KRT85: variants seen among roughly 807,000 people sequenced by gnomAD.
KRT85 encodes keratin 85.
Under a neutral mutation model 53.7 loss-of-function variants are expected in KRT85, and 39 were observed. The ratio of observed to expected loss-of-function variants is 0.73; its 90% confidence interval spans 0.56 to 0.95. KRT85 has a LOEUF of 0.95. Ranked by LOEUF, KRT85 falls within the 40% of genes least tolerant of loss-of-function variation. The probability of loss-of-function intolerance (pLI) is 0.00; values close to 1 mark genes in which losing one functional copy is unlikely to be tolerated. For synonymous variants in KRT85, 291 were observed against 277.5 expected (o/e 1.05, Z -0.48); for missense variants, 668 against 686.0 (o/e 0.97, Z 0.29).
chr12:52,363,370 A>G lies in KRT85; in HGVS notation c.827T>C (p.Val276Ala). 6.2e-7 allele frequency: 1 copy of G among 1,614,030 alleles called. No individual in the cohort carries two copies. Among genetic ancestry groups the G allele is most frequent in the South Asian group, 1.1e-5 (1 of 91,066 alleles). ...TCGGCTGTTGTCCATCTTGACTATG[A>G]CCGAGGTGTCTGAGATGTGGGCTTG... The part of the protein sequence containing the change: ...VLQAHISDTS[V>A]IVKMDNSRDL... Residue 276 changes from valine (V) to alanine (A), a missense_variant, in exon 5 of 9, where the codon GTC (valine) becomes GCC (alanine). By Grantham distance (64) the Val-to-Ala change is moderately conservative. Transcript: ENST00000257901.
rs1389577902 is a variant in KRT85 at position 52,364,108 on chromosome 12, A to T, written c.746T>A (p.Leu249Gln). ...CCTCAGGAAGCTAGACTCCTCCACCAGGGCCTCCACATTGGCCTCCAGGTC... is the reference window on the plus strand; with the variant it reads ...CCTCAGGAAGCTAGACTCCTCCACCTGGGCCTCCACATTGGCCTCCAGGTC... ...KSDLEANVEA[L>Q]VEESSFLRRL... Residue 249 changes from leucine (L) to glutamine (Q), a missense_variant, in exon 4 of 9, where the codon CTG (leucine) becomes CAG (glutamine). Leu to Gln is a moderately radical substitution (Grantham distance 113). This residue lies in a region of KRT85 where 488 missense variants were observed against 498.1 expected (regional missense o/e 0.98). Coordinates refer to ENST00000257901, the MANE Select transcript of KRT85 (RefSeq NM_002283.4). The T allele has an allele frequency of 6.2e-7, 1 of 1,613,998 alleles. No individual in the cohort carries two copies. Among genetic ancestry groups the T allele is most frequent in the African/African-American group, 1.3e-5 (1 of 74,910 alleles).
At position 52,364,295 on chromosome 12, in the gene KRT85, C is replaced by T. The variant is rs1384442841; in HGVS notation, c.690+11G>A. On this transcript the variant is annotated intron_variant, in intron 3 of 8. Transcript: ENST00000257901. ...GGCCCCCTCCTCCTTGCCCCATGACCAGCCCCTCACCTTCTTTAGAACGAC... is the reference window on the plus strand; with the variant it reads ...GGCCCCCTCCTCCTTGCCCCATGACTAGCCCCTCACCTTCTTTAGAACGAC... The T allele has an allele frequency of 1.2e-6, 2 of 1,614,068 alleles. No homozygotes were observed. Among genetic ancestry groups the T allele is most frequent in the African/African-American group, 2.7e-5 (2 of 74,928 alleles).
Position 52,362,484 on chromosome 12 carries a change from G to C in KRT85, c.1078-13C>G, listed in dbSNP as rs780982995. 6.2e-7 allele frequency: 1 copy of C among 1,613,830 alleles called. No homozygotes were observed. Among genetic ancestry groups the C allele is most frequent in the Non-Finnish European group, 8.5e-7 (1 of 1,179,878 alleles). On this transcript the variant is annotated splice_polypyrimidine_tract_variant and intron_variant, in intron 6 of 8. Coordinates refer to ENST00000257901, the MANE Select transcript of KRT85 (RefSeq NM_002283.4). The stretch of plus-strand genomic sequence containing the variant: ...CCAGCTTGGCACGCTATCAGGTGGA[G>C]ATACAAGGGCCAGGATGAGAAAGAG...
Position 52,367,335 on chromosome 12 carries a change from A to G in KRT85, c.71T>C (p.Val24Ala), listed in dbSNP as rs1341888342. 1 of 1,614,114 alleles carries G rather than the reference A, an allele frequency of 6.2e-7. No individual in the cohort carries two copies. The highest frequency in any genetic ancestry group is 8.5e-7 in the Non-Finnish European group (1 of 1,180,018). The change falls in exon 1 of 9, where the codon GTG becomes GCG. Residue 24 changes from valine to alanine, a missense_variant. Val to Ala is a moderately conservative substitution (Grantham distance 64). Around this residue, in one of 3 missense-constraint regions of KRT85, gnomAD observed 158 missense variants for 141.8 expected, o/e 1.11. Transcript: ENST00000257901. ...VTRNFSSCSA[V>A]APKTGNRCCI... is the part of the protein sequence containing the mutation. ...GCAGCGGTTGCCAGTTTTGGGGGCCACAGCTGAGCAGGAGCTGAAGTTCCT... is the reference window on the plus strand; with the variant it reads ...GCAGCGGTTGCCAGTTTTGGGGGCCGCAGCTGAGCAGGAGCTGAAGTTCCT...
rs547792985 is a variant in KRT85 at position 52,367,118 on chromosome 12, A to G, written c.288T>C (p.Thr96=). The G allele has an allele frequency of 1.4e-4, 220 of 1,613,310 alleles. No individual in the cohort carries two copies. Among genetic ancestry groups the G allele is most frequent in the South Asian group, 5.3e-4 (48 of 91,034 alleles). ...GGAGGCTCTCGTTGACCGACACGGT[A>G]GTGATGCATGGGGGGCTGGGTCCGC... ...GVCGPSPPCI[T]TVSVNESLLT... is the part of the protein sequence containing the mutation. The change falls in exon 1 of 9, where the codon ACT becomes ACC. Residue 96 remains threonine, a synonymous_variant. Coordinates refer to ENST00000257901, the MANE Select transcript of KRT85 (RefSeq NM_002283.4).
Position 52,362,975 on chromosome 12 carries a change from T to G in KRT85, c.956A>C (p.Glu319Ala), listed in dbSNP as rs1200511473. Residue 319 changes from glutamate (E) to alanine (A), a missense_variant, in exon 6 of 9, where the codon GAG becomes GCG. Coordinates refer to ENST00000257901, the MANE Select transcript of KRT85 (RefSeq NM_002283.4). Reference protein sequence around the residue: ...EAESWYRSKCEEMKATVIRHG... With the variant: ...EAESWYRSKCAEMKATVIRHG... ...CCTGATCACCGTGGCCTTCATCTCCTCACACTGGAGGAAGTAGAGATGCTC... is the reference window on the plus strand; with the variant it reads ...CCTGATCACCGTGGCCTTCATCTCCGCACACTGGAGGAAGTAGAGATGCTC... 3 of 1,614,000 alleles carry G rather than the reference T, an allele frequency of 1.9e-6. No individual in the cohort carries two copies. The highest frequency in any genetic ancestry group is 2.5e-6 in the Non-Finnish European group (3 of 1,180,026).
chr12:52,363,731 A>G lies in KRT85; in HGVS notation c.787-321T>C, dbSNP rs1430882578. On this transcript the variant is annotated intron_variant, in intron 4 of 8. Transcript: ENST00000257901. Reference sequence around the variant, plus strand: ...TGAGTGATTAGTCAGTCCATTAATGAGGACCATGCCCTATGTGCGAAGCCA... The same window carrying G: ...TGAGTGATTAGTCAGTCCATTAATGGGGACCATGCCCTATGTGCGAAGCCA... Among the ~76,000 whole-genome samples the G allele has an allele frequency of 2.0e-5, 3 of 152,182 alleles. No homozygotes were observed. The East Asian group carries it at 5.8e-4, about 29-fold the overall frequency.
chr12:52,360,833 G>T lies in KRT85; in HGVS notation c.*20C>A. On this transcript the variant is annotated 3_prime_UTR_variant, in exon 9 of 9. Coordinates refer to ENST00000257901, the MANE Select transcript of KRT85 (RefSeq NM_002283.4). ...CAGGCAGGCAGGTGCTTGGCAGGAAGCCCTGGCTCCATGACTCTACTAGGC... is the reference window on the plus strand; with the variant it reads ...CAGGCAGGCAGGTGCTTGGCAGGAATCCCTGGCTCCATGACTCTACTAGGC... The T allele has an allele frequency of 6.2e-7, 1 of 1,611,248 alleles. No homozygotes were observed.
At chr12:52,364,459 GA>G (rs1565768981) in intron 2 of KRT85, 93 bp from the exon 3 acceptor site, 1 of 1,608,012 alleles carries the variant, frequency 6.2e-7, no homozygotes, top group African/African-American at 1.3e-5. Flanking sequence ...ATTGAAAAGG[GA>G]TTAATCCCCT....
chr12:52,363,801 A>C (rs149778242), intron 4 of KRT85, among the ~76,000 whole-genome samples: 3,072 of 152,252 alleles, frequency 0.02, 46 homozygotes, highest in Middle Eastern at 0.031. Context: ...CCATCTGTAG[A>C]CTGGCACTCA....
Position 52,364,348 on chromosome 12 carries a change from G to A in KRT85, c.648C>T (p.Ala216=), listed in dbSNP as rs777769763. The part of the protein sequence containing the change: ...GYKKKYEEEV[A]LRATAENEFV... ...ACTCATTCTCTGCTGTGGCTCTCAG[G>A]GCCACCTCCTCTTCATACCTGGGTG... is the stretch of plus-strand genomic sequence containing the variant. Residue 216 remains alanine, a synonymous_variant, in exon 3 of 9, where the codon GCC becomes GCT. Coordinates refer to ENST00000257901, the MANE Select transcript of KRT85 (RefSeq NM_002283.4). 3.1e-6 allele frequency: 5 copies of A among 1,614,070 alleles called. No homozygotes were observed. Among genetic ancestry groups the A allele is most frequent in the Non-Finnish European group, 4.2e-6 (5 of 1,180,004 alleles).
rs527696772 is a variant in KRT85 at position 52,361,436 on chromosome 12, T to C, written c.1330+31A>G. 2.6e-5 allele frequency: 42 copies of C among 1,611,502 alleles called. 3 individuals carry two copies. The South Asian group carries it at 4.1e-4, about 16-fold the overall frequency. ...TCAGCTTTTCTATCAAAAAAGCCAT[T>C]TTTCCAGGAGAATTTCAGGCAGATA... On this transcript the variant is annotated intron_variant, in intron 8 of 8. Coordinates refer to ENST00000257901, the MANE Select transcript of KRT85 (RefSeq NM_002283.4).
chr12:52,365,780 C>T (rs1045606579), intron 1 of KRT85, among the ~76,000 whole-genome samples: 3 of 152,110 alleles, frequency 2.0e-5, no homozygotes, highest in Non-Finnish European at 4.4e-5. Flanking sequence ...AATTGAGACC[C>T]CCAAGGTGTG....
In KRT85 at chr12:52,367,000, C is replaced by A; in HGVS notation, c.406G>T (p.Ala136Ser). The A allele has an allele frequency of 6.2e-7, 1 of 1,613,996 alleles. No individual in the cohort carries two copies. The highest frequency in any genetic ancestry group is 8.5e-7 in the Non-Finnish European group (1 of 1,179,882). ...QIKSLNSRFA[A>S]FIDKVRFLEQ... ...GCCTCACCCACCTTGTCGATGAAGG[C>A]CGCGAACCTGCTGTTGAGGGACTTG... is the stretch of plus-strand genomic sequence containing the variant. Residue 136 changes from alanine to serine, a missense_variant, in exon 1 of 9, where the codon GCC (alanine) becomes TCC (serine). By Grantham distance (99) the Ala-to-Ser change is moderately conservative (BLOSUM62 1). Transcript: ENST00000257901.
At position 52,362,960 on chromosome 12, in the gene KRT85, G is replaced by T; in HGVS notation, c.971C>A (p.Thr324Lys). 6.2e-7 allele frequency: 1 copy of T among 1,614,092 alleles called. No homozygotes were observed. The highest frequency in any genetic ancestry group is 8.5e-7 in the Non-Finnish European group (1 of 1,180,028). Residue 324 changes from threonine (T) to lysine (K), a missense_variant, in exon 6 of 9, where the codon ACG (threonine) becomes AAG (lysine). Thr to Lys is a moderately conservative substitution (Grantham distance 78, BLOSUM62 -1). Coordinates refer to ENST00000257901, the MANE Select transcript of KRT85 (RefSeq NM_002283.4). ...CAGGGTCTCCCCATGCCTGATCACC[G>T]TGGCCTTCATCTCCTCACACTGGAG... is the stretch of plus-strand genomic sequence containing the variant. ...YRSKCEEMKA[T>K]VIRHGETLRR...
chr12:52,366,879 C>T lies in KRT85; in HGVS notation c.420+107G>A, dbSNP rs993685282. On this transcript the variant is annotated intron_variant, in intron 1 of 8. Transcript: ENST00000257901. ...CCTGTATGGGTCTGCACGTCATTCC[C>T]TCTGCTGCCTCAAACCGGCAGCCAT... The T allele has an allele frequency of 5.7e-6, 9 of 1,584,158 alleles. No homozygotes were observed. The African/African-American group carries it at 1.1e-4, about 19-fold the overall frequency.
In KRT85 at chr12:52,360,818, G is replaced by A; in HGVS notation, c.*35C>T. 6.2e-7 allele frequency: 1 copy of A among 1,600,178 alleles called. No homozygotes were observed. The highest frequency in any genetic ancestry group is 1.3e-5 in the African/African-American group (1 of 74,748). On this transcript the variant is annotated 3_prime_UTR_variant, in exon 9 of 9. Coordinates refer to ENST00000257901, the MANE Select transcript of KRT85 (RefSeq NM_002283.4). Reference sequence around the variant, plus strand: ...TTCAGTGCAGTGATGCAGGCAGGCAGGTGCTTGGCAGGAAGCCCTGGCTCC... The same window carrying A: ...TTCAGTGCAGTGATGCAGGCAGGCAAGTGCTTGGCAGGAAGCCCTGGCTCC...
chr12:52,364,722 G>A, intron 2 of KRT85: 1 of 1,399,420 alleles, frequency 7.1e-7, no homozygotes, highest in East Asian at 2.5e-5. Flanking sequence ...GAGAGTGCTA[G>A]AATTCCACTG....
chr12:52,365,697 A>C (rs946270177), intron 1 of KRT85, among the ~76,000 whole-genome samples: 1 of 152,148 alleles, frequency 6.6e-6, no homozygotes, highest in Non-Finnish European at 1.5e-5. Flanking sequence ...TATATCATCT[A>C]ACTATGCATT....
Sources: allele counts gnomAD v4.1 joint callset (sites outside exome capture counted in the v4.1 genomes callset), GRCh38; gene constraint gnomAD v4.1.1; regional missense constraint gnomAD v4.1.1; transcripts MANE v1.5; gene names NCBI Gene and HGNC (gene_info 2026-07-23, HGNC 2026-07-21).